CFAP221: variants seen among roughly 807,000 people sequenced by gnomAD.
The protein encoded by CFAP221 is cilia- and flagella-associated protein 221.
Under a neutral mutation model 113.1 loss-of-function variants are expected in CFAP221, and 97 were observed. The observed-to-expected ratio is 0.86, with a 90% CI of 0.73 to 1.02. The LOEUF is 1.02. CFAP221 is among the 50% of genes least tolerant of loss of function. The pLI is 0.00. For missense variants in CFAP221, 1,025 were observed against 1,013.4 expected (o/e 1.01, Z -0.16); for synonymous variants, 331 against 354.4 (o/e 0.93, Z 0.74).
At chr2:119,557,630 T>TA (rs1680904865) in intron 3 of CFAP221, among the ~76,000 whole-genome samples, 1 of 152,314 alleles carries the variant, frequency 6.6e-6, no homozygotes, top group East Asian at 1.9e-4. Context: ...AGAATGGATT[T>TA]AGGTGGCATA....
At chr2:119,563,019 T>G (rs965841814) in intron 6 of CFAP221, among the ~76,000 whole-genome samples, 1 of 152,070 alleles carries the variant, frequency 6.6e-6, no homozygotes, top group South Asian at 2.1e-4. Flanking sequence ...CCAGGTATGG[T>G]GATGTGTGCC....
intron 3 of CFAP221, among the ~76,000 whole-genome samples, chr2:119,555,404 A>G (rs1375543502): frequency 4.6e-5 from 7 of 152,178 alleles, no homozygotes; most frequent in Non-Finnish European, 1.0e-4. Context: ...GTAACGCTGG[A>G]TTACTTGTGT....
chr2:119,638,447 G>A, intron 20 of CFAP221, 30 bp downstream of exon 20: 1 of 1,613,546 alleles, frequency 6.2e-7, no homozygotes, highest in South Asian at 1.1e-5. Context: ...CACTGGCAGA[G>A]TGACCCTGGG....
Position 119,627,798 on chromosome 2 carries a change from C to T in CFAP221, c.1650+12C>T. On this transcript the variant is annotated intron_variant, in intron 16 of 23. Transcript: ENST00000413369. The stretch of plus-strand genomic sequence containing the variant: ...ACTCCAACGAGTTGGTAGGTGCCGT[C>T]AGGCTTGGGGGCGGGGAGTGGACAT... 3.1e-6 allele frequency: 5 copies of T among 1,613,202 alleles called. No homozygotes were observed. The highest frequency in any genetic ancestry group is 4.2e-6 in the Non-Finnish European group (5 of 1,179,574).
chr2:119,638,179 C>A, intron 19 of CFAP221, 80 bp from the exon 20 acceptor site: 1 of 1,467,104 alleles, frequency 6.8e-7, no homozygotes, highest in Non-Finnish European at 9.4e-7. Flanking sequence ...GAGCCACAGA[C>A]AGCATTAGCT....
intron 11 of CFAP221, among the ~76,000 whole-genome samples, chr2:119,607,605 C>T (rs1418554205): frequency 6.6e-6 from 1 of 152,116 alleles, no homozygotes; most frequent in Non-Finnish European, 1.5e-5. Context: ...CACCACTACC[C>T]AATTCCAGAA....
intron 22 of CFAP221, among the ~76,000 whole-genome samples, chr2:119,651,716 T>G (rs1334316903): frequency 6.6e-6 from 1 of 152,234 alleles, no homozygotes; most frequent in Non-Finnish European, 1.5e-5. Flanking sequence ...GAAAATAATG[T>G]GAATTCTGTA....
chr2:119,644,216 C>T (rs568293411), intron 21 of CFAP221, among the ~76,000 whole-genome samples: 1 of 152,218 alleles, frequency 6.6e-6, no homozygotes, highest in East Asian at 1.9e-4. Context: ...AAATGCCCAA[C>T]CACCATCTAC....
chr2:119,581,508 T>G (rs1398022682), intron 6 of CFAP221, among the ~76,000 whole-genome samples: 2 of 152,158 alleles, frequency 1.3e-5, no homozygotes, highest in African/African-American at 4.8e-5. Flanking sequence ...ATAGTAATAA[T>G]ACAGGAATTC....
intron 22 of CFAP221, among the ~76,000 whole-genome samples, chr2:119,651,068 G>T (rs1688102257): frequency 6.6e-6 from 1 of 152,200 alleles, no homozygotes; most frequent in Non-Finnish European, 1.5e-5. Flanking sequence ...TTGCAGTTAA[G>T]TTGTCCATTT....
chr2:119,567,464 G>C (rs1032434924), intron 6 of CFAP221, among the ~76,000 whole-genome samples: 1 of 152,114 alleles, frequency 6.6e-6, no homozygotes, highest in Admixed American at 6.6e-5. Context: ...TTTATTTTCA[G>C]TGCTGTATAA....
chr2:119,570,714 A>G (rs1681984098), intron 6 of CFAP221, among the ~76,000 whole-genome samples: 1 of 152,206 alleles, frequency 6.6e-6, no homozygotes, highest in Non-Finnish European at 1.5e-5. Context: ...TCACTACTTC[A>G]TTCTTTTTCA....
chr2:119,555,270 G>A (rs1680709168), intron 3 of CFAP221, among the ~76,000 whole-genome samples: 1 of 152,088 alleles, frequency 6.6e-6, no homozygotes, highest in South Asian at 2.1e-4. Context: ...CAAGGAAACA[G>A]GGACCCCCAG....
chr2:119,547,086 A>G (rs1448693851), intron 2 of CFAP221, among the ~76,000 whole-genome samples: 1 of 152,162 alleles, frequency 6.6e-6, no homozygotes, highest in Non-Finnish European at 1.5e-5. Flanking sequence ...CCCACCACTC[A>G]TCTTTTAAAG....
At chr2:119,633,515 A>G (rs1280626518) in intron 19 of CFAP221, among the ~76,000 whole-genome samples, 2 of 152,026 alleles carry the variant, frequency 1.3e-5, no homozygotes, top group Admixed American at 1.3e-4. Flanking sequence ...CAAAGGAAAC[A>G]GTCAACAGAA....
chr2:119,607,672 C>T (rs1684865138), intron 11 of CFAP221, among the ~76,000 whole-genome samples: 1 of 152,154 alleles, frequency 6.6e-6, no homozygotes, highest in Non-Finnish European at 1.5e-5. Flanking sequence ...TCCCCACTCC[C>T]CACCCCCTGG....
chr2:119,600,207 C>T (rs1046178219), intron 7 of CFAP221, among the ~76,000 whole-genome samples: 1 of 152,190 alleles, frequency 6.6e-6, no homozygotes, highest in African/African-American at 2.4e-5. Context: ...CTTTTTCTCT[C>T]CACATTTGTT....
At chr2:119,546,566 C>T (rs62159782) in intron 2 of CFAP221, among the ~76,000 whole-genome samples, 32,577 of 152,064 alleles carry the variant, frequency 0.21, 4,706 homozygotes, top group East Asian at 0.59. Context: ...TCCTCCCCCA[C>T]CACATTCTCC....
intron 14 of CFAP221, among the ~76,000 whole-genome samples, chr2:119,618,879 G>A (rs1048092529): frequency 3.3e-5 from 5 of 152,166 alleles, no homozygotes; most frequent in Non-Finnish European, 7.4e-5. Flanking sequence ...AAGTCCACCT[G>A]GGACACTTGA....
Sources: allele counts gnomAD v4.1 joint callset (sites outside exome capture counted in the v4.1 genomes callset), GRCh38; gene constraint gnomAD v4.1.1; transcripts MANE v1.5; gene names NCBI Gene and HGNC (gene_info 2026-07-23, HGNC 2026-07-21).